Variants in DGKG observed in about 807,000 individuals in gnomAD.
The protein encoded by DGKG is DAG kinase gamma.
Under a neutral mutation model 105.3 loss-of-function variants are expected in DGKG, and 78 were observed. That is an observed-to-expected ratio of 0.74 (90% CI 0.62 to 0.89). The LOEUF (loss-of-function observed/expected upper bound fraction) is 0.89. Ranked by LOEUF, DGKG falls within the 40% of genes least tolerant of loss-of-function variation. The pLI is 0.00. For missense variants in DGKG, 958 were observed against 1,020.1 expected (o/e 0.94, Z 0.83); for synonymous variants, 346 against 367.1 (o/e 0.94, Z 0.66).
At chr3:186,294,531 T>C (rs2268823) in intron 5 of DGKG, among the ~76,000 whole-genome samples, 91,563 of 138,918 alleles carry the variant, frequency 0.66, 29,279 homozygotes, top group Admixed American at 0.7. Flanking sequence ...AGTGAAACTC[T>C]GTCTCAAAAA....
intron 22 of DGKG, among the ~76,000 whole-genome samples, chr3:186,174,892 C>T (rs907827850): frequency 1.3e-5 from 2 of 152,198 alleles, no homozygotes; most frequent in Admixed American, 6.5e-5. Flanking sequence ...TGTAAAGCCC[C>T]ATCAAAGCAT....
intron 3 of DGKG, among the ~76,000 whole-genome samples, chr3:186,305,775 T>C (rs541898575): frequency 6.6e-6 from 1 of 152,276 alleles, no homozygotes; most frequent in East Asian, 1.9e-4. Context: ...AATTTGCCAA[T>C]GAATTGGATG....
intron 6 of DGKG, among the ~76,000 whole-genome samples, chr3:186,285,470 A>C (rs1376020261): frequency 6.6e-6 from 1 of 152,138 alleles, no homozygotes; most frequent in Non-Finnish European, 1.5e-5. Flanking sequence ...AAACATCTTC[A>C]ATCACGTTCT....
intron 24 of DGKG, chr3:186,158,847 C>G (rs547186504): frequency 2.1e-6 from 2 of 940,408 alleles, no homozygotes; most frequent in Non-Finnish European, 2.5e-6. Context: ...ATTGAATGTA[C>G]TTTTTATCAA....
chr3:186,267,913 T>C (rs1370035274), intron 12 of DGKG, 136 bp from the exon 13 acceptor site: 1 of 746,558 alleles, frequency 1.3e-6, no homozygotes, highest in Non-Finnish European at 2.3e-6. Flanking sequence ...TTTGACAGTA[T>C]TGCCGTGTGT....
intron 22 of DGKG, among the ~76,000 whole-genome samples, chr3:186,185,224 C>T (rs981525403): frequency 6.6e-6 from 1 of 152,196 alleles, no homozygotes; most frequent in Non-Finnish European, 1.5e-5. Context: ...GATCATAGCC[C>T]TTTCAAGAAG....
rs2108684880 is a variant in DGKG at position 186,362,231 on chromosome 3, C to G, written c.-534G>C. 6.6e-6 allele frequency: 1 copy of G among 152,466 alleles called. No homozygotes were observed. The highest frequency in any genetic ancestry group is 1.9e-4 in the East Asian group (1 of 5,188). The allele number at this position is 152,466 out of a possible 1,614,324, so 9.4% of individuals were successfully genotyped here. A position where few individuals can be genotyped will look rare whatever the true frequency, so the allele number is the denominator to read the frequency against. On this transcript the variant is annotated 5_prime_UTR_variant, in exon 1 of 25. Coordinates refer to ENST00000265022, the MANE Select transcript of DGKG (RefSeq NM_001346.3). ...ATCTCCGTGGCCCGCTACTACGGCA[C>G]TGCGGCTCTGTGCCCTGCCCCTCGC...
At chr3:186,232,776 A>G (rs929619176) in intron 20 of DGKG, among the ~76,000 whole-genome samples, 19 of 152,226 alleles carry the variant, frequency 1.2e-4, no homozygotes, top group African/African-American at 4.1e-4. Context: ...AATTCCATAT[A>G]TTTCTACATT....
At chr3:186,253,694 G>A (rs1721329584) in intron 17 of DGKG, among the ~76,000 whole-genome samples, 1 of 152,182 alleles carries the variant, frequency 6.6e-6, no homozygotes. Flanking sequence ...ATACTTGAAT[G>A]GCAGACAGGG....
At chr3:186,262,138 C>T (rs954987010) in intron 14 of DGKG, among the ~76,000 whole-genome samples, 5 of 152,126 alleles carry the variant, frequency 3.3e-5, no homozygotes, top group Non-Finnish European at 5.9e-5. Flanking sequence ...TGATCATACG[C>T]GTAAGTGAAA....
intron 1 of DGKG, among the ~76,000 whole-genome samples, chr3:186,323,306 G>A (rs546750979): frequency 9.9e-5 from 15 of 152,260 alleles, no homozygotes; most frequent in South Asian, 4.2e-4. Context: ...CACTGTCACC[G>A]CTGCTGCTGC....
At chr3:186,223,345 T>C (rs537066226) in intron 20 of DGKG, among the ~76,000 whole-genome samples, 1 of 152,020 alleles carries the variant, frequency 6.6e-6, no homozygotes, top group South Asian at 2.1e-4. Flanking sequence ...CACACTGAAG[T>C]ATGCATCCTG....
intron 21 of DGKG, among the ~76,000 whole-genome samples, chr3:186,206,561 G>A (rs535652206): frequency 6.6e-6 from 1 of 152,158 alleles, no homozygotes; most frequent in African/African-American, 2.4e-5. Flanking sequence ...CCTGGGGTGG[G>A]GGAGGTGACT....
chr3:186,282,248 G>A (rs1451243104), intron 7 of DGKG, among the ~76,000 whole-genome samples: 2 of 152,096 alleles, frequency 1.3e-5, no homozygotes, highest in African/African-American at 4.8e-5. Flanking sequence ...AGTTGAAAAC[G>A]ATTCCCCACC....
intron 18 of DGKG, 131 bp downstream of exon 18, chr3:186,252,962 A>C: frequency 1.4e-6 from 1 of 735,188 alleles, no homozygotes. Flanking sequence ...TGGACTTGAC[A>C]TGACTGCAGA....
chr3:186,258,868 G>T lies in DGKG; in HGVS notation c.1425-929C>A, dbSNP rs576085196. ...TGCATTAAGAAATATTCCAAGAGGG[G>T]GTTTCTATGCTTCACCAGACTGCCA... On this transcript the variant is annotated intron_variant, in intron 16 of 24. Coordinates refer to ENST00000265022, the MANE Select transcript of DGKG (RefSeq NM_001346.3). Among the ~76,000 whole-genome samples, 10 of 152,188 alleles carry T rather than the reference G, an allele frequency of 6.6e-5. No homozygotes were observed. The South Asian group carries it at 2.1e-3, about 32-fold the overall frequency.
rs1170892045 is a variant in DGKG, at chr3:186,288,732, C to G, written c.522G>C (p.Gly174=). Residue 174 remains glycine, a synonymous_variant, in exon 6 of 25, where the codon GGG becomes GGC. Transcript: ENST00000265022. ...VVCYLSLLET[G]RPQDKLEFMF... ...TACACTCCAGCTTATCCTGAGGCCT[C>G]CCCGTCTCCAGCAGGGACAGGTAGC... 1.2e-6 allele frequency: 2 copies of G among 1,614,168 alleles called. No homozygotes were observed. The highest frequency in any genetic ancestry group is 2.2e-5 in the East Asian group (1 of 44,882).
intron 1 of DGKG, among the ~76,000 whole-genome samples, chr3:186,348,439 C>T (rs1578866044): frequency 1.2e-5 from 1 of 83,714 alleles, no homozygotes; most frequent in African/African-American, 4.9e-5. Flanking sequence ...ATAGAGAATT[C>T]TGGCTCATAA....
Position 186,288,765 on chromosome 3 carries a change from A to G in DGKG, c.489T>C (p.Asp163=), listed in dbSNP as rs148230276. 1.9e-5 allele frequency: 30 copies of G among 1,613,980 alleles called. No individual in the cohort carries two copies. The highest frequency in any genetic ancestry group is 2.4e-5 in the Non-Finnish European group (28 of 1,179,994). The change falls in exon 6 of 25, where the codon GAT becomes GAC. Residue 163 remains aspartate, a synonymous_variant. Coordinates refer to ENST00000265022, the MANE Select transcript of DGKG (RefSeq NM_001346.3). The part of the protein sequence containing the change: ...SSESPVVYLK[D]VVCYLSLLET... Reference sequence around the variant, plus strand: ...CCAGCAGGGACAGGTAGCACACAACATCCTTCAGGTATACCACTGGGGATT... The same window carrying G: ...CCAGCAGGGACAGGTAGCACACAACGTCCTTCAGGTATACCACTGGGGATT...
Sources: allele counts gnomAD v4.1 joint callset (sites outside exome capture counted in the v4.1 genomes callset), GRCh38; gene constraint gnomAD v4.1.1; transcripts MANE v1.5; gene names NCBI Gene and HGNC (gene_info 2026-07-23, HGNC 2026-07-21).